NUDCD1: variants seen among roughly 807,000 people sequenced by gnomAD.
The protein encoded by NUDCD1 is NudC domain containing 1.
A neutral mutation model predicts 67.8 loss-of-function variants in NUDCD1; 60 were observed. That is an observed-to-expected ratio of 0.88 (90% confidence interval 0.72 to 1.10). The LOEUF is 1.10. Among genes scored for constraint, NUDCD1 ranks in the 50% least tolerant of loss-of-function variants. The pLI is 0.00. For missense variants in NUDCD1, 643 were observed against 695.0 expected (o/e 0.93, Z 0.84); for synonymous variants, 244 against 230.8 (o/e 1.06, Z -0.52).
In NUDCD1 at chr8:109,322,397, T is replaced by C. The variant is rs775983860; in HGVS notation, c.185A>G (p.Tyr62Cys). ...TLEHMHAFGMYNYLHCDSWYQ... is the reference protein window; with the variant it reads ...TLEHMHAFGMCNYLHCDSWYQ... ...CCATGAATCACAGTGCAGGTAATTA[T>C]ACATTCCAAAAGCATGCATGTGTTC... The change falls in exon 2 of 10, where the codon TAT becomes TGT. Residue 62 changes from tyrosine (Y) to cysteine (C), a missense_variant. Transcript: ENST00000239690. 1.9e-6 allele frequency: 3 copies of C among 1,604,280 alleles called. No homozygotes were observed. The highest frequency in any genetic ancestry group is 2.6e-6 in the Non-Finnish European group (3 of 1,171,490).
intron 7 of NUDCD1, 70 bp from the exon 8 acceptor site, chr8:109,271,200 A>G (rs1814148142): frequency 2.7e-6 from 3 of 1,110,022 alleles, no homozygotes; most frequent in Non-Finnish European, 3.9e-6. Flanking sequence ...CTTCATCTTT[A>G]AAAATTTTAA....
At chr8:109,311,830 ATAGTG>A (rs1815260381) in intron 2 of NUDCD1, among the ~76,000 whole-genome samples, 1 of 152,040 alleles carries the variant, frequency 6.6e-6, no homozygotes, top group Non-Finnish European at 1.5e-5. Flanking sequence ...CAAATAGGGT[ATAGTG>A]TATACTGCTC....
intron 4 of NUDCD1, among the ~76,000 whole-genome samples, chr8:109,291,303 G>A (rs1194364731): frequency 6.6e-6 from 1 of 152,070 alleles, no homozygotes; most frequent in Non-Finnish European, 1.5e-5. Context: ...ACACCATGCC[G>A]AGCTAATGTT....
chr8:109,248,555 T>C (rs888468758), intron 8 of NUDCD1, among the ~76,000 whole-genome samples: 1 of 152,200 alleles, frequency 6.6e-6, no homozygotes, highest in Non-Finnish European at 1.5e-5. Context: ...CTGAAGATTC[T>C]GTAAGGCAAA....
chr8:109,293,609 G>A (rs1334442679), intron 3 of NUDCD1, 85 bp from the exon 4 acceptor site: 2 of 626,148 alleles, frequency 3.2e-6, no homozygotes, highest in Non-Finnish European at 4.9e-6. Flanking sequence ...GGATTCTGGT[G>A]ATTCAACAGT....
intron 8 of NUDCD1, among the ~76,000 whole-genome samples, chr8:109,261,724 T>C (rs1162821442): frequency 6.6e-6 from 1 of 152,170 alleles, no homozygotes; most frequent in Admixed American, 6.5e-5. Flanking sequence ...ATTAATGCTA[T>C]TTAAACAATA....
intron 2 of NUDCD1, among the ~76,000 whole-genome samples, chr8:109,303,289 C>A (rs1280007639): frequency 1.3e-5 from 2 of 152,218 alleles, no homozygotes; most frequent in Non-Finnish European, 2.9e-5. Context: ...AAGACTAACA[C>A]TGCCCGATCG....
In NUDCD1 at chr8:109,266,608, A is replaced by G. The variant is rs936877329; in HGVS notation, c.1299+4397T>C. On this transcript the variant is annotated intron_variant, in intron 8 of 9. Transcript: ENST00000239690. ...AAATCTGGTTGTGTATTTTATATTT[A>G]TACCACATTTCAATGCAGACTAGCC... Among the ~76,000 whole-genome samples the G allele has an allele frequency of 1.7e-4, 26 of 152,010 alleles. 1 individual carries two copies. The highest frequency in any genetic ancestry group is 1.4e-3 in the Admixed American group (21 of 15,266).
intron 5 of NUDCD1, among the ~76,000 whole-genome samples, chr8:109,284,772 A>C (rs1814535128): frequency 6.6e-6 from 1 of 152,170 alleles, no homozygotes; most frequent in South Asian, 2.1e-4. Flanking sequence ...AGAAAAAAAA[A>C]CAAATTAACA....
intron 8 of NUDCD1, among the ~76,000 whole-genome samples, chr8:109,263,886 T>C (rs1222984543): frequency 6.6e-6 from 1 of 152,190 alleles, no homozygotes; most frequent in Non-Finnish European, 1.5e-5. Context: ...CTGCAAATAA[T>C]AGCACCACAT....
At chr8:109,272,594 T>C (rs1213917728) in intron 7 of NUDCD1, among the ~76,000 whole-genome samples, 2 of 152,308 alleles carry the variant, frequency 1.3e-5, no homozygotes, top group East Asian at 1.9e-4. Context: ...AATATTTGCA[T>C]ATAGCAGAAA....
chr8:109,251,524 T>G (rs1189474044), intron 8 of NUDCD1, among the ~76,000 whole-genome samples: 1 of 152,162 alleles, frequency 6.6e-6, no homozygotes, highest in Non-Finnish European at 1.5e-5. Flanking sequence ...TTAAAAAATT[T>G]GTTCCATATA....
At chr8:109,329,767 G>A (rs775198821) in intron 1 of NUDCD1, 29 of 1,528,260 alleles carry the variant, frequency 1.9e-5, no homozygotes, top group Non-Finnish European at 2.3e-5. Context: ...TCTTCATAAA[G>A]CTGTTTAATT....
intron 6 of NUDCD1, among the ~76,000 whole-genome samples, chr8:109,280,027 T>C (rs1814394723): frequency 6.6e-6 from 1 of 152,208 alleles, no homozygotes; most frequent in South Asian, 2.1e-4. Context: ...TACTACAATT[T>C]ACAAAGAAAT....
Position 109,296,446 on chromosome 8 carries a change from T to C in NUDCD1, c.397A>G (p.Thr133Ala). The C allele has an allele frequency of 3.1e-6, 5 of 1,613,692 alleles. No homozygotes were observed. The highest frequency in any genetic ancestry group is 1.1e-5 in the South Asian group (1 of 91,010). The change falls in exon 3 of 10, where the codon ACT (threonine) becomes GCT (alanine). Residue 133 changes from threonine to alanine, a missense_variant. Thr to Ala is a moderately conservative substitution (Grantham distance 58). Coordinates refer to ENST00000239690, the MANE Select transcript of NUDCD1 (RefSeq NM_032869.4). ...GTTCCAATGACATACAATCTTCCAG[T>C]TCCATCTGACAAGGTAACCCAGGTA... is the stretch of plus-strand genomic sequence containing the variant. ...SSTWVTLSDG[T>A]GRLYVIGTGE...
chr8:109,306,803 C>T (rs113883837), intron 2 of NUDCD1, among the ~76,000 whole-genome samples: 3,923 of 152,180 alleles, frequency 0.026, 121 homozygotes, highest in African/African-American at 0.074. Flanking sequence ...TCATTCTATA[C>T]GACAAATGCT....
rs1444957739 is a variant in NUDCD1, at chr8:109,271,244, C to T, written c.1174-114G>A. The T allele has an allele frequency of 8.1e-6, 5 of 615,626 alleles. No homozygotes were observed. In the Admixed American group the frequency reaches 1.4e-4, roughly 17 times the overall value. 38.1% of individuals were successfully genotyped at this position (615,626 alleles called of 1,614,324 possible). A position where few individuals can be genotyped will look rare whatever the true frequency, so the allele number is the denominator to read the frequency against. On this transcript the variant is annotated intron_variant, in intron 7 of 9. Coordinates refer to ENST00000239690, the MANE Select transcript of NUDCD1 (RefSeq NM_032869.4). ...CAGTAATTAAAAATGAATTGCAAACCTATGACCAATAAAATCATAATCACA... is the reference window on the plus strand; with the variant it reads ...CAGTAATTAAAAATGAATTGCAAACTTATGACCAATAAAATCATAATCACA...
At chr8:109,246,612 ACTGAATTTCAT>A (rs1813502753) in intron 8 of NUDCD1, among the ~76,000 whole-genome samples, 1 of 152,222 alleles carries the variant, frequency 6.6e-6, no homozygotes, top group East Asian at 1.9e-4. Context: ...ATTGAAACTC[ACTGAATTTCAT>A]CTACAGCAAT....
At chr8:109,302,797 T>C (rs1025914282) in intron 2 of NUDCD1, among the ~76,000 whole-genome samples, 10 of 152,152 alleles carry the variant, frequency 6.6e-5, no homozygotes, top group African/African-American at 2.4e-4. Flanking sequence ...TTTACCGCCC[T>C]AGACCCAGAG....
Sources: allele counts gnomAD v4.1 joint callset (sites outside exome capture counted in the v4.1 genomes callset), GRCh38; gene constraint gnomAD v4.1.1; transcripts MANE v1.5; gene names NCBI Gene and HGNC (gene_info 2026-07-23, HGNC 2026-07-21).